UNC13C: variants seen among roughly 807,000 people sequenced by gnomAD.
The protein encoded by UNC13C is unc-13 homolog C, also known as protein unc-13 homolog C.
In UNC13C, 174 loss-of-function variants were observed where a neutral mutation model predicts 245.4. That is an observed-to-expected ratio of 0.71 (90% CI 0.63 to 0.80). The LOEUF (loss-of-function observed/expected upper bound fraction) is 0.80. UNC13C is among the 30% of genes least tolerant of loss of function. UNC13C has a pLI of 0.00. For missense variants in UNC13C, 2,829 were observed against 2,602.9 expected, an observed-to-expected ratio of 1.09 and a Z score of -1.89; for synonymous variants, 992 against 895.1, an observed-to-expected ratio of 1.11 and a Z score of -1.93.
chr15:54,078,669 G>A (rs1898767466), intron 2 of UNC13C, among the ~76,000 whole-genome samples: 1 of 151,966 alleles, frequency 6.6e-6, no homozygotes, highest in Admixed American at 6.6e-5. Flanking sequence ...ACCTTTTAAT[G>A]GAGTTGTTTT....
intron 17 of UNC13C, among the ~76,000 whole-genome samples, chr15:54,351,170 TTG>T (rs2038974203): frequency 6.6e-6 from 1 of 152,102 alleles, no homozygotes. Flanking sequence ...TTTTTTACAA[TTG>T]TTTGACTCTA....
chr15:54,056,039 A>C (rs559008629), intron 2 of UNC13C, among the ~76,000 whole-genome samples: 21 of 152,266 alleles, frequency 1.4e-4, no homozygotes, highest in Admixed American at 1.3e-3. Flanking sequence ...TACAAGCAAA[A>C]AAATGTCAAG....
intron 2 of UNC13C, among the ~76,000 whole-genome samples, chr15:54,122,516 G>T (rs938004905): frequency 2.6e-5 from 4 of 151,872 alleles, no homozygotes; most frequent in African/African-American, 9.7e-5. Context: ...CGCATCCATT[G>T]TATGTGTGCA....
chr15:53,973,684 A>C (rs1893610588), upstream of UNC13C, among the ~76,000 whole-genome samples: 1 of 152,118 alleles, frequency 6.6e-6, no homozygotes, highest in Non-Finnish European at 1.5e-5. Context: ...AAGTCCCTTC[A>C]TCTGATGATT....
At chr15:53,968,535 T>G in the UNC13C span, among the ~76,000 whole-genome samples, 1 of 151,982 alleles carries the variant, frequency 6.6e-6, no homozygotes, top group Admixed American at 6.6e-5. Context: ...TCACTGAAAT[T>G]CCATAGAAGG....
Position 54,493,403 on chromosome 15 carries a change from T to C in UNC13C, c.4934-1205T>C, listed in dbSNP as rs527796598. Among the ~76,000 whole-genome samples the C allele has an allele frequency of 1.2e-4, 18 of 152,148 alleles. No homozygotes were observed. In the East Asian group the frequency reaches 3.3e-3, roughly 28 times the overall value. On this transcript the variant is annotated intron_variant, in intron 19 of 32. Coordinates refer to ENST00000260323, the MANE Select transcript of UNC13C (RefSeq NM_001080534.3). ...TGCCTCTCTCCCTCACTCTCTCCTC[T>C]CTCTCTCTTTCTGTCTGCTCTACAA...
intron 2 of UNC13C, among the ~76,000 whole-genome samples, chr15:54,076,118 T>TA (rs1566994183): frequency 1.4e-5 from 2 of 143,048 alleles, no homozygotes; most frequent in South Asian, 2.2e-4. Flanking sequence ...TATATTTTTT[T>TA]TTATTATACT....
chr15:54,300,249 G>A lies in UNC13C; in HGVS notation c.4144G>A (p.Gly1382Arg). The A allele has an allele frequency of 1.3e-6, 2 of 1,599,850 alleles. No homozygotes were observed. Among genetic ancestry groups the A allele is most frequent in the South Asian group, 2.3e-5 (2 of 88,324 alleles). Residue 1382 changes from glycine (G) to arginine (R), a missense_variant, in exon 13 of 33, where the codon GGA becomes AGA. Gly to Arg is a moderately radical substitution (Grantham distance 125). Coordinates refer to ENST00000260323, the MANE Select transcript of UNC13C (RefSeq NM_001080534.3). ...CTTGACTGAAGTGAAATCTAATGGT[G>A]GAGTGAAAATCCCAGAAGTCAAAGG... ...HYLTEVKSNG[G>R]VKIPEVKGDE...
chr15:53,901,214 ATTTCT>A, the UNC13C span, among the ~76,000 whole-genome samples: 2 of 129,528 alleles, frequency 1.5e-5, no homozygotes, highest in Admixed American at 9.5e-5. Flanking sequence ...GTCTTCATAG[ATTTCT>A]TTTTTTTTTT....
chr15:53,843,127 G>T, the UNC13C span, among the ~76,000 whole-genome samples: 32 of 152,172 alleles, frequency 2.1e-4, no homozygotes, highest in Non-Finnish European at 3.8e-4. Flanking sequence ...TCTGAACAAT[G>T]AATTGGGTCA....
intron 17 of UNC13C, among the ~76,000 whole-genome samples, chr15:54,390,415 T>C (rs1175283063): frequency 7.2e-5 from 11 of 152,140 alleles, no homozygotes; most frequent in Admixed American, 7.2e-4. Flanking sequence ...TCCTATAACC[T>C]GGCAACTTTC....
At chr15:54,352,372 T>C (rs2039004626) in intron 17 of UNC13C, among the ~76,000 whole-genome samples, 1 of 147,304 alleles carries the variant, frequency 6.8e-6, no homozygotes, top group African/African-American at 2.5e-5. Context: ...AGAGAGTGAG[T>C]CAGGTTATCC....
At chr15:53,925,410 C>T in the UNC13C span, among the ~76,000 whole-genome samples, 1 of 152,150 alleles carries the variant, frequency 6.6e-6, no homozygotes, top group African/African-American at 2.4e-5. Context: ...GCCTGTCCTT[C>T]CCATGAGCCA....
chr15:54,354,752 TA>T (rs1440288379), intron 17 of UNC13C, among the ~76,000 whole-genome samples: 1 of 152,158 alleles, frequency 6.6e-6, no homozygotes, highest in African/African-American at 2.4e-5. Context: ...GAAAACAACT[TA>T]AAGATCAGTG....
the UNC13C span, among the ~76,000 whole-genome samples, chr15:53,901,912 T>C: frequency 6.6e-6 from 1 of 152,176 alleles, no homozygotes; most frequent in Non-Finnish European, 1.5e-5. Flanking sequence ...CCACTTTTTT[T>C]ATTTATGGTG....
chr15:53,936,155 G>A, the UNC13C span, among the ~76,000 whole-genome samples: 15 of 152,182 alleles, frequency 9.9e-5, no homozygotes, highest in African/African-American at 3.6e-4. Context: ...GTTCCTGGGG[G>A]AGAGTCAGAC....
chr15:54,571,131 G>T (rs1897735409), intron 30 of UNC13C, among the ~76,000 whole-genome samples: 1 of 152,116 alleles, frequency 6.6e-6, no homozygotes, highest in South Asian at 2.1e-4. Flanking sequence ...TGAAGTCTCA[G>T]TTTCCAGTGT....
the UNC13C span, among the ~76,000 whole-genome samples, chr15:53,963,410 G>T: frequency 6.6e-6 from 1 of 152,186 alleles, no homozygotes; most frequent in East Asian, 1.9e-4. Context: ...ACCCTTGGAA[G>T]TTGTGTGACC....
rs76095155 is a variant in UNC13C, at chr15:54,139,997, A to G, written c.2984-3021A>G. On this transcript the variant is annotated intron_variant, in intron 2 of 32. Transcript: ENST00000260323. ...TTTCTTAGTCATTAAATTCTTGAGT[A>G]TAAGGGTTTCTTAATTATATTTTGT... Among the ~76,000 whole-genome samples the G allele has an allele frequency of 3.0e-4, 45 of 152,272 alleles. No homozygotes were observed. The East Asian group carries it at 6.0e-3, about 20-fold the overall frequency.
Sources: allele counts gnomAD v4.1 joint callset (sites outside exome capture counted in the v4.1 genomes callset), GRCh38; gene constraint gnomAD v4.1.1; transcripts MANE v1.5; gene names NCBI Gene and HGNC (gene_info 2026-07-23, HGNC 2026-07-21).